Variants in GARIN2 observed in about 807,000 individuals in gnomAD.
The protein encoded by GARIN2 is Golgi-associated RAB2 interactor protein 2.
the GARIN2 span, among the ~76,000 whole-genome samples, chr14:67,190,749 G>C: frequency 1.3e-5 from 2 of 152,172 alleles, no homozygotes; most frequent in Non-Finnish European, 2.9e-5. Flanking sequence ...TCCTGCAAAG[G>C]TGCAACCAGA....
chr14:67,224,065 T>TA, the GARIN2 span: 1 of 882,652 alleles, frequency 1.1e-6, no homozygotes, highest in African/African-American at 1.8e-5. Context: ...CAATGCTAGT[T>TA]AGGGACCATG....
chr14:67,208,340 T>A, the GARIN2 span: 12 of 1,613,856 alleles, frequency 7.4e-6, no homozygotes, highest in Non-Finnish European at 2.5e-6. Context: ...TCAAACTACC[T>A]TGACCCCAGT....
the GARIN2 span, chr14:67,199,465 C>G: frequency 6.2e-7 from 1 of 1,612,874 alleles, no homozygotes; most frequent in Non-Finnish European, 8.5e-7. Context: ...TTATGTGGGA[C>G]CCTGACACAG....
chr14:67,221,681 A>G, the GARIN2 span: 1 of 1,544,550 alleles, frequency 6.5e-7, no homozygotes, highest in South Asian at 1.2e-5. Context: ...CCCACAGAGC[A>G]TTTAAAGAAT....
chr14:67,213,321 C>G, the GARIN2 span, among the ~76,000 whole-genome samples: 6 of 115,016 alleles, frequency 5.2e-5, no homozygotes, highest in Non-Finnish European at 8.6e-5. Flanking sequence ...CCCCTCCCCC[C>G]ACCCCACAAC....
the GARIN2 span, among the ~76,000 whole-genome samples, chr14:67,210,993 C>T: frequency 6.6e-6 from 1 of 152,030 alleles, no homozygotes; most frequent in African/African-American, 2.4e-5. Flanking sequence ...GAGTGACACC[C>T]TGCCTCAAAA....
the GARIN2 span, among the ~76,000 whole-genome samples, chr14:67,224,289 TACTC>T: frequency 3.3e-5 from 5 of 150,120 alleles, no homozygotes; most frequent in African/African-American, 1.2e-4. Flanking sequence ...GACAGAGTCT[TACTC>T]TGTCGCCCAG....
At chr14:67,199,656 A>T in the GARIN2 span, 39 of 1,578,038 alleles carry the variant, frequency 2.5e-5, no homozygotes, top group Non-Finnish European at 3.2e-5. Context: ...GCAGCTCAGA[A>T]CCCGCTCTCC....
At chr14:67,222,042 G>T in the GARIN2 span, 1 of 483,880 alleles carries the variant, frequency 2.1e-6, no homozygotes, top group Non-Finnish European at 3.5e-6. Context: ...TACTACTTCA[G>T]TTTTCTTTTT....
At chr14:67,221,294 C>T in the GARIN2 span, among the ~76,000 whole-genome samples, 2 of 152,224 alleles carry the variant, frequency 1.3e-5, no homozygotes, top group Non-Finnish European at 2.9e-5. Context: ...AAGCCAAAGA[C>T]TTGGTGGTAA....
At chr14:67,226,186 ATTTATT>A in the GARIN2 span, among the ~76,000 whole-genome samples, 9 of 151,852 alleles carry the variant, frequency 5.9e-5, no homozygotes, top group Non-Finnish European at 1.3e-4. Flanking sequence ...TTACTTGTTT[ATTTATT>A]TTTATTTTTA....
chr14:67,227,816 C>T, the GARIN2 span: 1 of 152,052 alleles, frequency 6.6e-6, no homozygotes, highest in Non-Finnish European at 1.5e-5. Flanking sequence ...ATCTTAACAT[C>T]CTGAATGGAC....
At chr14:67,196,410 T>A in the GARIN2 span, among the ~76,000 whole-genome samples, 2 of 151,972 alleles carry the variant, frequency 1.3e-5, no homozygotes, top group Admixed American at 1.3e-4. Context: ...AGAGACAGGA[T>A]TTCACGACGT....
chr14:67,219,115 A>G, the GARIN2 span, among the ~76,000 whole-genome samples: 1 of 152,046 alleles, frequency 6.6e-6, no homozygotes, highest in African/African-American at 2.4e-5. Flanking sequence ...GGGAGTAGGA[A>G]GTGCATACCT....
chr14:67,224,091 C>A, the GARIN2 span: 1 of 767,572 alleles, frequency 1.3e-6, no homozygotes, highest in Non-Finnish European at 1.6e-6. Context: ...AAATTCATCT[C>A]TCAAACCTCT....
the GARIN2 span, among the ~76,000 whole-genome samples, chr14:67,212,473 C>G: frequency 1.3e-5 from 2 of 151,058 alleles, no homozygotes; most frequent in African/African-American, 2.4e-5. Context: ...TGCCTGTAGT[C>G]CCAGTTATTA....
the GARIN2 span, among the ~76,000 whole-genome samples, chr14:67,209,756 T>G: frequency 1.4e-5 from 2 of 145,882 alleles, no homozygotes; most frequent in Non-Finnish European, 3.0e-5. Context: ...AGACTGAGGT[T>G]GCAGTGAGCC....
the GARIN2 span, among the ~76,000 whole-genome samples, chr14:67,219,551 C>A: frequency 6.6e-6 from 1 of 152,134 alleles, no homozygotes; most frequent in Non-Finnish European, 1.5e-5. Flanking sequence ...TCTACACTAC[C>A]CCTTAATAGC....
the GARIN2 span, among the ~76,000 whole-genome samples, chr14:67,207,728 A>AG: frequency 3.9e-5 from 6 of 152,034 alleles, no homozygotes; most frequent in East Asian, 1.9e-4. Flanking sequence ...AATTAGGAGG[A>AG]GGGGGGGATT....
Sources: allele counts gnomAD v4.1 joint callset (sites outside exome capture counted in the v4.1 genomes callset), GRCh38; gene constraint gnomAD v4.1.1; transcripts MANE v1.5; gene names NCBI Gene and HGNC (gene_info 2026-07-23, HGNC 2026-07-21).